Variants in CPNE4 observed in about 807,000 individuals in gnomAD.
The protein encoded by CPNE4 is copine-4.
CPNE4 carries 25 observed loss-of-function variants against 67.9 expected under a neutral mutation model. The observed-to-expected ratio is 0.37, with a 90% CI of 0.27 to 0.51. The LOEUF is 0.51. CPNE4 is among the 20% of genes least tolerant of loss of function. The pLI is 0.93. For synonymous variants in CPNE4, 242 were observed against 244.9 expected, an observed-to-expected ratio of 0.99 and a Z score of 0.11; for missense variants, 464 against 690.8, an observed-to-expected ratio of 0.67 and a Z score of 3.68.
intron 7 of CPNE4, among the ~76,000 whole-genome samples, chr3:131,604,554 A>G (rs969067601): frequency 6.6e-6 from 1 of 152,120 alleles, no homozygotes; most frequent in African/African-American, 2.4e-5. Flanking sequence ...AGCTGCCAGC[A>G]AATATAAAGC....
At chr3:131,897,466 T>C (rs529772693) in intron 2 of CPNE4, among the ~76,000 whole-genome samples, 2 of 152,252 alleles carry the variant, frequency 1.3e-5, no homozygotes, top group East Asian at 1.9e-4. Flanking sequence ...GAGGACAGTT[T>C]TGAAGTCAGA....
intron 1 of CPNE4, among the ~76,000 whole-genome samples, chr3:131,983,475 A>G (rs1365154679): frequency 6.6e-6 from 1 of 152,214 alleles, no homozygotes; most frequent in Non-Finnish European, 1.5e-5. Context: ...ATCTCTTTAA[A>G]GTGCATAACT....
At chr3:131,639,123 G>A (rs1286017386) in intron 7 of CPNE4, among the ~76,000 whole-genome samples, 2 of 151,740 alleles carry the variant, frequency 1.3e-5, no homozygotes, top group South Asian at 2.1e-4. Context: ...AAGAACAATC[G>A]AAATCCAAAC....
At chr3:131,914,108 G>C (rs1193468285) in intron 1 of CPNE4, among the ~76,000 whole-genome samples, 1 of 152,086 alleles carries the variant, frequency 6.6e-6, no homozygotes, top group Non-Finnish European at 1.5e-5. Context: ...TAATCCTTTT[G>C]TAGGACCTAT....
intron 2 of CPNE4, among the ~76,000 whole-genome samples, chr3:131,847,849 G>A (rs1467276117): frequency 6.6e-6 from 1 of 152,106 alleles, no homozygotes; most frequent in African/African-American, 2.4e-5. Flanking sequence ...TGTTCCTCTT[G>A]TAGTCCCTTC....
intron 1 of CPNE4, among the ~76,000 whole-genome samples, chr3:131,987,849 C>T (rs772350899): frequency 6.6e-6 from 1 of 152,176 alleles, no homozygotes; most frequent in African/African-American, 2.4e-5. Flanking sequence ...AGTCTCAAGG[C>T]TCTAGACTAG....
At chr3:131,545,680 T>C (rs940032526) in intron 14 of CPNE4, among the ~76,000 whole-genome samples, 4 of 152,248 alleles carry the variant, frequency 2.6e-5, no homozygotes, top group Non-Finnish European at 1.5e-5. Flanking sequence ...GTATTTATGA[T>C]GTCTCCATCT....
chr3:131,890,227 A>C (rs1346037091), intron 2 of CPNE4, among the ~76,000 whole-genome samples: 1 of 152,058 alleles, frequency 6.6e-6, no homozygotes, highest in African/African-American at 2.4e-5. Flanking sequence ...ATAAACTCAT[A>C]AAACACAATA....
intron 2 of CPNE4, among the ~76,000 whole-genome samples, chr3:131,743,002 A>G (rs2082394047): frequency 1.3e-5 from 2 of 152,178 alleles, no homozygotes; most frequent in Non-Finnish European, 2.9e-5. Context: ...AATAAAGATA[A>G]AGGTGTACAT....
At chr3:131,545,511 GTTA>G (rs1935778465) in intron 14 of CPNE4, among the ~76,000 whole-genome samples, 1 of 151,922 alleles carries the variant, frequency 6.6e-6, no homozygotes, top group African/African-American at 2.4e-5. Flanking sequence ...TTGTGGCTTA[GTTA>G]TTAATAAAAA....
Position 131,574,632 on chromosome 3 carries a change from G to A in CPNE4, c.927+439C>T, listed in dbSNP as rs148760058. 1.0e-3 allele frequency among the ~76,000 whole-genome samples: 154 copies of A among 152,128 alleles called. 6 individuals carry two copies. In the East Asian group the frequency reaches 0.021, roughly 21 times the overall value. On this transcript the variant is annotated intron_variant, in intron 10 of 15. Coordinates refer to ENST00000429747, the MANE Select transcript of CPNE4 (RefSeq NM_130808.3). ...GTTTGTATGGCTTACTCTTGGTCCC[G>A]ACTACTGGGTATGACATTGGTGCTG...
chr3:131,856,477 C>A (rs2086448079), intron 2 of CPNE4, among the ~76,000 whole-genome samples: 1 of 151,850 alleles, frequency 6.6e-6, no homozygotes, highest in Non-Finnish European at 1.5e-5. Context: ...GCCAGGAAAT[C>A]AAATATATCA....
chr3:131,625,910 C>T (rs1005618917), intron 7 of CPNE4, among the ~76,000 whole-genome samples: 2 of 152,120 alleles, frequency 1.3e-5, no homozygotes, highest in East Asian at 1.9e-4. Flanking sequence ...CTCTGCATCA[C>T]GTTTTGGTGA....
intron 7 of CPNE4, among the ~76,000 whole-genome samples, chr3:131,615,955 G>T (rs546029404): frequency 7.1e-6 from 1 of 141,382 alleles, no homozygotes; most frequent in South Asian, 2.3e-4. Flanking sequence ...ACACACAAAA[G>T]AACATTTGCT....
intron 7 of CPNE4, among the ~76,000 whole-genome samples, chr3:131,626,731 T>C (rs1031397917): frequency 1.6e-4 from 25 of 152,332 alleles, no homozygotes; most frequent in African/African-American, 6.0e-4. Context: ...ATTTTCAATA[T>C]AGACAAAACA....
chr3:131,931,577 C>A (rs1310968665), intron 1 of CPNE4, among the ~76,000 whole-genome samples: 1 of 152,010 alleles, frequency 6.6e-6, no homozygotes, highest in African/African-American at 2.4e-5. Flanking sequence ...CAATTATGAT[C>A]ACAATTTTAA....
intron 2 of CPNE4, among the ~76,000 whole-genome samples, chr3:131,871,181 T>C (rs1475375024): frequency 6.6e-6 from 1 of 151,982 alleles, no homozygotes; most frequent in Non-Finnish European, 1.5e-5. Context: ...CAGAAAAACA[T>C]TTATGACTAT....
At chr3:132,037,381 T>C (rs2074358170), upstream of CPNE4, among the ~76,000 whole-genome samples, 1 of 152,198 alleles carries the variant, frequency 6.6e-6, no homozygotes, top group Non-Finnish European at 1.5e-5. Context: ...ACAGGGCACA[T>C]AAAGCAGAAT....
rs533650201 is a variant in CPNE4 at position 131,792,185 on chromosome 3, T to C, written c.181-68560A>G. 2.6e-5 allele frequency among the ~76,000 whole-genome samples: 4 copies of C among 152,242 alleles called. No individual in the cohort carries two copies. In the South Asian group the frequency reaches 6.2e-4, roughly 24 times the overall value. On this transcript the variant is annotated intron_variant, in intron 2 of 15. Transcript: ENST00000429747. Reference sequence around the variant, plus strand: ...TGAAAAGTTTATTCTTGCCCCCCTCTCATATATGTTTCCATCCAATTTCTT... The same window carrying C: ...TGAAAAGTTTATTCTTGCCCCCCTCCCATATATGTTTCCATCCAATTTCTT...
Sources: gnomAD v4.1 joint callset for allele counts (sites outside exome capture counted in the v4.1 genomes callset) on GRCh38, gnomAD v4.1.1 for gene constraint, MANE v1.5 for transcripts, NCBI Gene and HGNC (gene_info 2026-07-23, HGNC 2026-07-21) for gene names.